The following RYR3 variants were observed in gnomAD, a reference collection of about 807,000 sequenced individuals.
RYR3 encodes the protein brain ryanodine receptor-calcium release channel.
In RYR3, 207 loss-of-function variants were observed where a neutral mutation model predicts 584.3. The ratio of observed to expected loss-of-function variants is 0.35; its 90% CI spans 0.32 to 0.40. The LOEUF (loss-of-function observed/expected upper bound fraction) is 0.40. RYR3 is among the 10% of genes least tolerant of loss of function. The pLI, the probability that RYR3 is intolerant of heterozygous loss-of-function variation, is 1.00. For missense variants in RYR3, 5,616 were observed against 6,089.2 expected, an observed-to-expected ratio of 0.92 and a Z score of 2.59; for synonymous variants, 2,416 against 2,248.5, an observed-to-expected ratio of 1.07 and a Z score of -2.11.
At chr15:33,858,740 G>T (rs530281329) in intron 99 of RYR3, 1 of 152,394 alleles carries the variant, frequency 6.6e-6, no homozygotes, top group Admixed American at 6.5e-5. Context: ...GCACTGCCCA[G>T]AGTAAGCCAG....
intron 74 of RYR3, among the ~76,000 whole-genome samples, chr15:33,814,625 GC>G (rs2076710299): frequency 6.6e-6 from 1 of 152,080 alleles, no homozygotes; most frequent in African/African-American, 2.4e-5. Flanking sequence ...TCCGCCGGGC[GC>G]AGTGGCTCAC....
chr15:33,412,011 A>G lies in RYR3; in HGVS notation c.52-61408A>G, dbSNP rs575707186. 6.6e-6 allele frequency among the ~76,000 whole-genome samples: 1 copy of G among 152,338 alleles called. No individual in the cohort carries two copies. The highest frequency in any genetic ancestry group is 6.5e-5 in the Admixed American group (1 of 15,302). Reference sequence around the variant, plus strand: ...TCACAGTTGTCTGTCAAGAAATCTCATATTACTGTGAAGGTAATATCCAAC... The same window carrying G: ...TCACAGTTGTCTGTCAAGAAATCTCGTATTACTGTGAAGGTAATATCCAAC... On this transcript the variant is annotated intron_variant, in intron 1 of 103. Coordinates refer to ENST00000634891, the MANE Select transcript of RYR3 (RefSeq NM_001036.6). This position sits in a 1 kb window ranked among gnomAD's most constrained non-coding sequence, Gnocchi z 4.3.
At position 33,854,875 on chromosome 15, in the gene RYR3, G is replaced by A. The variant is rs1226028784; in HGVS notation, c.13970G>A (p.Arg4657Lys). ...LDIAMGFKTL[R>K]TILSSVTHNG... is the part of the protein sequence containing the mutation. ...ATCGCAATGGGCTTCAAGACACTGA[G>A]GACCATTCTGTCATCTGTAACTCAC... Residue 4657 changes from arginine to lysine, a missense_variant, in exon 98 of 104, where the codon AGG (arginine) becomes AAG (lysine). Transcript: ENST00000634891. The A allele has an allele frequency of 1.9e-6, 3 of 1,612,880 alleles. No homozygotes were observed. Among genetic ancestry groups the A allele is most frequent in the African/African-American group, 2.7e-5 (2 of 74,806 alleles).
At position 33,816,947 on chromosome 15, in the gene RYR3, C is replaced by A; in HGVS notation, c.10588C>A (p.Gln3530Lys). 6.2e-7 allele frequency: 1 copy of A among 1,603,582 alleles called. No individual in the cohort carries two copies. Among genetic ancestry groups the A allele is most frequent in the Non-Finnish European group, 8.5e-7 (1 of 1,172,500 alleles). ...GTATTCCTTTGAAGAGAAACTAGTA[C>A]AGGATTTGGCTGTAAGTACTGACTC... ...EEYSFEEKLV[Q>K]DLAKSPKVEE... Residue 3530 changes from glutamine (Q) to lysine (K), a missense_variant, in exon 75 of 104, where the codon CAG (glutamine) becomes AAG (lysine). By Grantham distance (53) the Gln-to-Lys change is moderately conservative. This residue lies in a region of RYR3 where 954 missense variants were observed against 1,132.2 expected (regional missense o/e 0.84). Transcript: ENST00000634891.
At chr15:33,655,189 G>C (rs1242911735) in intron 32 of RYR3, among the ~76,000 whole-genome samples, 1 of 152,196 alleles carries the variant, frequency 6.6e-6, no homozygotes, top group Non-Finnish European at 1.5e-5. Flanking sequence ...ACAAAGCCAG[G>C]CTTTGAGGCA....
intron 45 of RYR3, among the ~76,000 whole-genome samples, chr15:33,725,184 C>CACACACACACACATATAT (rs1567031110): frequency 2.7e-5 from 4 of 147,614 alleles, no homozygotes; most frequent in African/African-American, 9.8e-5. Flanking sequence ...CACACACACA[C>CACACACACACACATATAT]ACACACACAC....
chr15:33,750,299 C>T lies in RYR3; in HGVS notation c.8399+13C>T, dbSNP rs754292534. The T allele has an allele frequency of 4.3e-6, 7 of 1,609,400 alleles. No homozygotes were observed. The highest frequency in any genetic ancestry group is 5.9e-6 in the Non-Finnish European group (7 of 1,177,704). On this transcript the variant is annotated intron_variant, in intron 57 of 103. Coordinates refer to ENST00000634891, the MANE Select transcript of RYR3 (RefSeq NM_001036.6). The stretch of plus-strand genomic sequence containing the variant: ...TCATAGTTTCCAGGTAAGTCACCTT[C>T]CATGTGATGCTAGTGGGACAGGGCT...
At position 33,511,343 on chromosome 15, in the gene RYR3, A is replaced by C. The variant is rs539968758; in HGVS notation, c.279+7605A>C. 5.9e-4 allele frequency among the ~76,000 whole-genome samples: 90 copies of C among 151,836 alleles called. 1 individual carries two copies. Among genetic ancestry groups the C allele is most frequent in the East Asian group, 5.8e-3 (30 of 5,174 alleles). ...TTTTCTCTCTTTAAAAAAAAAAAAA[A>C]AAAAAAAACTCTTTAGTAAGCATCA... On this transcript the variant is annotated intron_variant, in intron 3 of 103. Coordinates refer to ENST00000634891, the MANE Select transcript of RYR3 (RefSeq NM_001036.6).
intron 3 of RYR3, among the ~76,000 whole-genome samples, chr15:33,517,901 G>C (rs1017630820): frequency 1.3e-5 from 2 of 152,134 alleles, no homozygotes; most frequent in African/African-American, 4.8e-5. Context: ...TTTAATAATA[G>C]AATGAGACTT....
At position 33,865,629 on chromosome 15, in the gene RYR3, AG is replaced by A. The variant is rs1396565665; in HGVS notation, c.*406del. The A allele has an allele frequency of 5.1e-5, 5 of 98,310 alleles. No homozygotes were observed. The highest frequency in any genetic ancestry group is 1.8e-4 in the African/African-American group (5 of 27,698). The allele number at this position is 98,310 out of a possible 1,614,324, so 6.1% of individuals were successfully genotyped here. On this transcript the variant is annotated 3_prime_UTR_variant, in exon 104 of 104. Transcript: ENST00000634891. ...TCATGGTATCCAACTTGTGACTCAT[AG>A]GGTCTGAACTCACTCCAAAAGATAA...
chr15:33,737,688 A>G (rs988424087), intron 49 of RYR3, among the ~76,000 whole-genome samples: 1 of 152,168 alleles, frequency 6.6e-6, no homozygotes, highest in African/African-American at 2.4e-5. Context: ...TTAACTGAAA[A>G]CCATAGTTAA....
At chr15:33,705,030 T>G (rs894326920) in intron 42 of RYR3, among the ~76,000 whole-genome samples, 4 of 152,064 alleles carry the variant, frequency 2.6e-5, no homozygotes, top group African/African-American at 9.7e-5. Context: ...TTAGATCATT[T>G]AGGATTGAAC....
intron 48 of RYR3, among the ~76,000 whole-genome samples, chr15:33,734,678 AT>A (rs34290310): frequency 1.8e-4 from 23 of 130,476 alleles, no homozygotes; most frequent in Admixed American, 1.2e-3. Context: ...GAGAAATTCG[AT>A]TTTTTTTTCT....
intron 36 of RYR3, among the ~76,000 whole-genome samples, chr15:33,664,869 G>A (rs185655124): frequency 5.3e-5 from 8 of 151,996 alleles, no homozygotes; most frequent in African/African-American, 1.7e-4. Flanking sequence ...ATTTTAAAAC[G>A]TAGATATCTA....
intron 2 of RYR3, among the ~76,000 whole-genome samples, chr15:33,480,044 A>G (rs752487554): frequency 6.6e-5 from 10 of 152,204 alleles, no homozygotes; most frequent in Admixed American, 1.3e-4. Flanking sequence ...ATATTGGGAT[A>G]GAGGTACCCA....
rs539202408 is a variant in RYR3 at position 33,441,960 on chromosome 15, G to A, written c.52-31459G>A. Among the ~76,000 whole-genome samples, 127 of 152,250 alleles carry A rather than the reference G, an allele frequency of 8.3e-4. 1 individual carries two copies. The highest frequency in any genetic ancestry group is 2.2e-3 in the Admixed American group (33 of 15,278). ...AGACATATCATTGGAATGTCATTCAGCAAGTTATCACTTTTTGGATTATCC... is the reference window on the plus strand; with the variant it reads ...AGACATATCATTGGAATGTCATTCAACAAGTTATCACTTTTTGGATTATCC... On this transcript the variant is annotated intron_variant, in intron 1 of 103. Coordinates refer to ENST00000634891, the MANE Select transcript of RYR3 (RefSeq NM_001036.6).
intron 1 of RYR3, among the ~76,000 whole-genome samples, chr15:33,332,834 TA>T (rs1232958310): frequency 2.6e-5 from 4 of 152,082 alleles, no homozygotes; most frequent in Admixed American, 2.0e-4. Flanking sequence ...TCTGTATTCT[TA>T]AAGCAGGGTG....
At chr15:33,826,889 G>A in intron 84 of RYR3, 137 bp downstream of exon 84, 1 of 697,042 alleles carries the variant, frequency 1.4e-6, no homozygotes, top group Non-Finnish European at 2.5e-6. Flanking sequence ...AAGAAACTAT[G>A]TAAATATCAT....
Position 33,813,578 on chromosome 15 carries a change from A to G in RYR3, c.10501A>G (p.Arg3501Gly). 6.2e-7 allele frequency: 1 copy of G among 1,612,952 alleles called. No individual in the cohort carries two copies. The change falls in exon 74 of 104, where the codon AGG (arginine) becomes GGG (glycine). Residue 3501 changes from arginine (R) to glycine (G), a missense_variant and splice_region_variant. By Grantham distance (125) the Arg-to-Gly change is moderately radical. Around this residue, in one of 9 missense-constraint regions of RYR3, gnomAD observed 954 missense variants for 1,132.2 expected, o/e 0.84. Transcript: ENST00000634891. ...GATGGCCCCTCTCTACAACCTGCCC[A>G]GGCAAGTATTTTGTCTTTTTTCCTG... ...FRMAPLYNLP[R>G]HRSINLFLHG...
Sources: allele counts gnomAD v4.1 joint callset (sites outside exome capture counted in the v4.1 genomes callset), GRCh38; gene constraint gnomAD v4.1.1; regional missense constraint gnomAD v4.1.1; non-coding constraint Gnocchi (gnomAD v3.1); transcripts MANE v1.5; gene names NCBI Gene and HGNC (gene_info 2026-07-23, HGNC 2026-07-21).